Variants in FAM135B observed in about 807,000 individuals in gnomAD.
The protein encoded by FAM135B is protein FAM135B.
A neutral mutation model predicts 127.7 loss-of-function variants in FAM135B; 43 were observed. The ratio of observed to expected loss-of-function variants is 0.34; its 90% confidence interval spans 0.26 to 0.43. The LOEUF is 0.43. FAM135B is among the 20% of genes least tolerant of loss of function. The pLI is 1.00. For missense variants in FAM135B, 1,558 were observed against 1,725.6 expected, an observed-to-expected ratio of 0.90 and a Z score of 1.72; for synonymous variants, 670 against 665.1, an observed-to-expected ratio of 1.01 and a Z score of -0.11.
At chr8:138,322,656 T>C (rs767398668) in intron 2 of FAM135B, among the ~76,000 whole-genome samples, 7 of 152,120 alleles carry the variant, frequency 4.6e-5, no homozygotes, top group Non-Finnish European at 1.0e-4. Flanking sequence ...AGAGGTGAAA[T>C]ATTTTCTTAT....
chr8:138,383,065 T>C (rs1587303705), intron 1 of FAM135B, among the ~76,000 whole-genome samples: 1 of 152,190 alleles, frequency 6.6e-6, no homozygotes, highest in Non-Finnish European at 1.5e-5. Context: ...TGAATGATCA[T>C]AGAGTATCTC....
chr8:138,316,038 A>C (rs1423079030), intron 2 of FAM135B, among the ~76,000 whole-genome samples: 1 of 152,226 alleles, frequency 6.6e-6, no homozygotes, highest in Admixed American at 6.5e-5. Flanking sequence ...AGAAAAATTT[A>C]AAATAAAAAA....
At chr8:138,375,680 A>T (rs1831425847) in intron 1 of FAM135B, among the ~76,000 whole-genome samples, 1 of 152,060 alleles carries the variant, frequency 6.6e-6, no homozygotes, top group Admixed American at 6.6e-5. Context: ...TACTCTCATC[A>T]TCATATTTCA....
At chr8:138,143,188 C>T (rs984268052) in intron 15 of FAM135B, 79 bp from the exon 16 acceptor site, 17 of 783,148 alleles carry the variant, frequency 2.2e-5, no homozygotes, top group Admixed American at 3.7e-5. Flanking sequence ...TGTTCTTCCA[C>T]TAAACACTGT....
chr8:138,336,821 C>A (rs892633705), intron 2 of FAM135B, among the ~76,000 whole-genome samples: 6 of 152,172 alleles, frequency 3.9e-5, no homozygotes, highest in Admixed American at 1.3e-4. Context: ...GAATTTTAGA[C>A]AAATATCCCT....
At chr8:138,487,704 A>ACACTTGT (rs1815037147) in intron 1 of FAM135B, among the ~76,000 whole-genome samples, 1 of 152,048 alleles carries the variant, frequency 6.6e-6, no homozygotes, top group Non-Finnish European at 1.5e-5. Flanking sequence ...AGTTTAAAAC[A>ACACTTGT]CACTTGTCAC....
chr8:138,306,309 C>G (rs1055453211), intron 3 of FAM135B, among the ~76,000 whole-genome samples: 4 of 151,940 alleles, frequency 2.6e-5, no homozygotes, highest in African/African-American at 9.7e-5. Context: ...GTGGCACACA[C>G]CTGTAATCCC....
rs78415683 is a variant in FAM135B at position 138,403,750 on chromosome 8, C to A, written c.-19-35748G>T. Among the ~76,000 whole-genome samples the A allele has an allele frequency of 7.1e-4, 108 of 151,218 alleles. 1 individual carries two copies. The highest frequency in any genetic ancestry group is 2.4e-3 in the African/African-American group (99 of 41,184). ...ATGGTTATCTGCCCATTCCCCTCCCCCAAAGACCTACACCTCAGTGTTCCT... is the reference window on the plus strand; with the variant it reads ...ATGGTTATCTGCCCATTCCCCTCCCACAAAGACCTACACCTCAGTGTTCCT... On this transcript the variant is annotated intron_variant, in intron 1 of 19. Coordinates refer to ENST00000395297, the MANE Select transcript of FAM135B (RefSeq NM_015912.4).
chr8:138,268,357 T>G (rs1423387405), intron 3 of FAM135B, among the ~76,000 whole-genome samples: 1 of 152,176 alleles, frequency 6.6e-6, no homozygotes, highest in African/African-American at 2.4e-5. Flanking sequence ...TTGAGCAGAT[T>G]GGCAAACAGA....
chr8:138,197,552 T>C lies in FAM135B; in HGVS notation c.787A>G (p.Met263Val), dbSNP rs1377123920. The C allele has an allele frequency of 6.2e-7, 1 of 1,614,088 alleles. No individual in the cohort carries two copies. The highest frequency in any genetic ancestry group is 2.2e-5 in the East Asian group (1 of 44,848). ...TGTGGCAGCTCTGGGATGTCCCGCATGATCACCAGGAAGTGGAGACGGAGA... is the reference window on the plus strand; with the variant it reads ...TGTGGCAGCTCTGGGATGTCCCGCACGATCACCAGGAAGTGGAGACGGAGA... ...RGLRLHFLVI[M>V]RDIPELPHTE... Residue 263 changes from methionine (M) to valine (V), a missense_variant, in exon 8 of 20, where the codon ATG (methionine) becomes GTG (valine). This residue lies in a region of FAM135B where 127 missense variants were observed against 109.7 expected (regional missense o/e 1.16). Coordinates refer to ENST00000395297, the MANE Select transcript of FAM135B (RefSeq NM_015912.4).
chr8:138,497,331 G>A (rs1302818057), upstream of FAM135B, among the ~76,000 whole-genome samples: 1 of 150,314 alleles, frequency 6.7e-6, no homozygotes, highest in East Asian at 2.0e-4. Flanking sequence ...GGGAGCCCGG[G>A]GCGGGCCGCC....
At chr8:138,268,776 A>T (rs566109661) in intron 3 of FAM135B, among the ~76,000 whole-genome samples, 3 of 152,172 alleles carry the variant, frequency 2.0e-5, no homozygotes, top group Non-Finnish European at 4.4e-5. Context: ...TGTGGTAAAT[A>T]GCCACTTTTC....
chr8:138,212,258 T>C (rs4909759), intron 7 of FAM135B, among the ~76,000 whole-genome samples: 110,439 of 151,826 alleles, frequency 0.73, 40,433 homozygotes, highest in East Asian at 0.83. Context: ...ACTGCAGGTG[T>C]AGGGGGAGTG....
chr8:138,136,392 A>G (rs1164926799), intron 19 of FAM135B, among the ~76,000 whole-genome samples: 1 of 152,202 alleles, frequency 6.6e-6, no homozygotes, highest in Admixed American at 6.5e-5. Flanking sequence ...GGACACTGAC[A>G]TAATTTAGAT....
intron 1 of FAM135B, chr8:138,439,057 G>C (rs1835618902): frequency 6.6e-6 from 1 of 152,068 alleles, no homozygotes; most frequent in Non-Finnish European, 1.5e-5. Context: ...CAGGCTATTA[G>C]CCTTTAGAAA....
chr8:138,483,559 C>T (rs531683200), intron 1 of FAM135B, among the ~76,000 whole-genome samples: 1 of 152,220 alleles, frequency 6.6e-6, no homozygotes, highest in Admixed American at 6.5e-5. Flanking sequence ...TTTACAGGTG[C>T]CTGTGTAACA....
chr8:138,458,094 G>A (rs1419255666), intron 1 of FAM135B, among the ~76,000 whole-genome samples: 5 of 152,134 alleles, frequency 3.3e-5, no homozygotes, highest in South Asian at 2.1e-4. Flanking sequence ...AGAGGTTGCC[G>A]TGAGCTGAGA....
In FAM135B at chr8:138,312,947, G is replaced by A. The variant is rs901928314; in HGVS notation, c.78-2027C>T. ...AAAGCAATTCAATGGAGCAGAGATC[G>A]CCTTTTAAAATAAGTTGTCCTGAAG... On this transcript the variant is annotated intron_variant, in intron 2 of 19. Coordinates refer to ENST00000395297, the MANE Select transcript of FAM135B (RefSeq NM_015912.4). Among the ~76,000 whole-genome samples, 9 of 151,672 alleles carry A rather than the reference G, an allele frequency of 5.9e-5. No individual in the cohort carries two copies. In the South Asian group the frequency reaches 6.2e-4, roughly 10 times the overall value.
chr8:138,194,223 C>T (rs993198375), intron 9 of FAM135B, among the ~76,000 whole-genome samples: 6 of 152,100 alleles, frequency 3.9e-5, no homozygotes, highest in Non-Finnish European at 7.4e-5. Context: ...CAAGCCAAGT[C>T]CCACCCCTTC....
Sources: gnomAD v4.1 joint callset for allele counts (sites outside exome capture counted in the v4.1 genomes callset) on GRCh38, gnomAD v4.1.1 for gene constraint, gnomAD v4.1.1 regional missense constraint, MANE v1.5 for transcripts, NCBI Gene and HGNC (gene_info 2026-07-23, HGNC 2026-07-21) for gene names.